The following PARD3B variants were observed in gnomAD, a reference collection of about 807,000 sequenced individuals.
The protein encoded by PARD3B is partitioning defective 3 homolog B.
PARD3B carries 103 observed loss-of-function variants against 130.2 expected under a neutral mutation model. That is an observed-to-expected ratio of 0.79 (90% CI 0.67 to 0.93). The LOEUF (loss-of-function observed/expected upper bound fraction) is 0.93, where lower values mean the gene tolerates loss of function less well. PARD3B is among the 40% of genes least tolerant of loss of function. The pLI is 0.00. For synonymous variants in PARD3B, 583 were observed against 553.2 expected, an observed-to-expected ratio of 1.05 and a Z score of -0.76; for missense variants, 1,609 against 1,499.2, an observed-to-expected ratio of 1.07 and a Z score of -1.21.
At chr2:205,557,183 G>T (rs1185593532) in intron 22 of PARD3B, among the ~76,000 whole-genome samples, 1 of 152,164 alleles carries the variant, frequency 6.6e-6, no homozygotes, top group African/African-American at 2.4e-5. Context: ...GGCGGCAAAA[G>T]GTTGCTGGAG....
intron 19 of PARD3B, among the ~76,000 whole-genome samples, chr2:205,409,785 C>T (rs2046533660): frequency 6.6e-6 from 1 of 152,086 alleles, no homozygotes; most frequent in South Asian, 2.1e-4. Flanking sequence ...TGATGTATTA[C>T]TTTATCGTAT....
chr2:205,090,592 G>A (rs577764974), intron 4 of PARD3B, among the ~76,000 whole-genome samples: 284 of 152,274 alleles, frequency 1.9e-3, no homozygotes, highest in Non-Finnish European at 3.4e-3. Flanking sequence ...GGGTAAGTTG[G>A]TTTACTCACT....
chr2:204,996,969 C>T (rs917250219), intron 3 of PARD3B, among the ~76,000 whole-genome samples: 5 of 152,120 alleles, frequency 3.3e-5, no homozygotes, highest in African/African-American at 7.2e-5. Flanking sequence ...CACTGGCCTG[C>T]GCCCACTGTC....
At chr2:204,662,459 T>A (rs77256211) in intron 1 of PARD3B, among the ~76,000 whole-genome samples, 8,481 of 152,206 alleles carry the variant, frequency 0.056, 391 homozygotes, top group East Asian at 0.14. Flanking sequence ...TCATCTGCCT[T>A]TCAGTCATTC....
chr2:205,170,798 C>CT (rs1280374123), intron 11 of PARD3B, among the ~76,000 whole-genome samples: 3 of 137,116 alleles, frequency 2.2e-5, no homozygotes, highest in African/African-American at 5.3e-5. Flanking sequence ...TTTTCTTTTA[C>CT]TTTTTTTTTC....
chr2:204,620,902 A>G (rs1464294045), intron 1 of PARD3B, among the ~76,000 whole-genome samples: 1 of 130,000 alleles, frequency 7.7e-6, no homozygotes, highest in South Asian at 2.5e-4. Flanking sequence ...CCCTTTCCCT[A>G]TGCTGAGAGA....
chr2:204,766,620 A>G (rs1213653019), intron 2 of PARD3B, among the ~76,000 whole-genome samples: 1 of 152,138 alleles, frequency 6.6e-6, no homozygotes, highest in African/African-American at 2.4e-5. Context: ...AATAGCTAGC[A>G]TATTGGTGAA....
intron 3 of PARD3B, among the ~76,000 whole-genome samples, chr2:205,043,070 A>C (rs1698504630): frequency 6.6e-6 from 1 of 152,140 alleles, no homozygotes; most frequent in African/African-American, 2.4e-5. Flanking sequence ...ATTAGCTGAA[A>C]AAAAACTAAT....
intron 16 of PARD3B, among the ~76,000 whole-genome samples, chr2:205,261,287 T>A (rs767096756): frequency 9.8e-4 from 149 of 152,200 alleles, no homozygotes; most frequent in Non-Finnish European, 1.5e-3. Flanking sequence ...TGTAAAAGAC[T>A]GAATTCAAAT....
rs79955420 is a variant in PARD3B at position 205,417,608 on chromosome 2, G to A, written c.2741+16485G>A. Among the ~76,000 whole-genome samples the A allele has an allele frequency of 1.6e-4, 25 of 152,316 alleles. No homozygotes were observed. The East Asian group carries it at 4.8e-3, about 29-fold the overall frequency. ...ACCTGAGAGATCACCAAAGGGTAGA[G>A]CAGACTTGTCATCTCCATACTCAAA... On this transcript the variant is annotated intron_variant, in intron 19 of 22. Transcript: ENST00000406610.
chr2:205,061,947 A>G (rs924779800), intron 4 of PARD3B, among the ~76,000 whole-genome samples: 6 of 152,158 alleles, frequency 3.9e-5, no homozygotes, highest in African/African-American at 1.4e-4. Context: ...GGAAACAGGA[A>G]AGGACGGATT....
intron 18 of PARD3B, among the ~76,000 whole-genome samples, chr2:205,379,840 C>T (rs849210): frequency 0.21 from 31,941 of 151,480 alleles, 3,877 homozygotes; most frequent in African/African-American, 0.33. Context: ...GAGGCCAAAG[C>T]GGGTGGATCA....
chr2:205,465,590 A>G (rs1222669779), intron 20 of PARD3B, among the ~76,000 whole-genome samples: 1 of 152,240 alleles, frequency 6.6e-6, no homozygotes, highest in Non-Finnish European at 1.5e-5. Context: ...CCCCAGGTCA[A>G]CGGCAGCTCT....
In PARD3B at chr2:205,352,573, T is replaced by G. The variant is rs1419339320; in HGVS notation, c.2631-48440T>G. 2.0e-5 allele frequency among the ~76,000 whole-genome samples: 3 copies of G among 152,210 alleles called. No individual in the cohort carries two copies. Among genetic ancestry groups the G allele is most frequent in the African/African-American group, 7.2e-5 (3 of 41,458 alleles). On this transcript the variant is annotated intron_variant, in intron 18 of 22. Transcript: ENST00000406610. The surrounding 1 kb of genome is among the most constrained non-coding windows in gnomAD (Gnocchi z 5.2). ...TACATCTATATCACCTTCAATTTAA[T>G]ATTTCACGAGAAATAGAAGGCACGA...
In PARD3B at chr2:205,021,502, T is replaced by C. The variant is rs990955288; in HGVS notation, c.395-26079T>C. Among the ~76,000 whole-genome samples the C allele has an allele frequency of 6.6e-6, 1 of 152,026 alleles. No homozygotes were observed. Among genetic ancestry groups the C allele is most frequent in the African/African-American group, 2.4e-5 (1 of 41,392 alleles). ...AAGTGGTAACTTTGGAAGGACTGGT[T>C]GCAAAGTGGAACCAGAGTATATTGC... On this transcript the variant is annotated intron_variant, in intron 3 of 22. Coordinates refer to ENST00000406610, the MANE Select transcript of PARD3B (RefSeq NM_001302769.2). The surrounding 1 kb of genome is among the most constrained non-coding windows in gnomAD (Gnocchi z 4.5).
intron 22 of PARD3B, among the ~76,000 whole-genome samples, chr2:205,596,224 G>T (rs993766367): frequency 1.3e-5 from 2 of 152,168 alleles, no homozygotes; most frequent in African/African-American, 2.4e-5. Context: ...CAGGATGGGG[G>T]AAATTCACCA....
In PARD3B at chr2:205,158,959, A is replaced by G. The variant is rs2034349302; in HGVS notation, c.1620+52A>G. 6.3e-7 allele frequency: 1 copy of G among 1,582,110 alleles called. No individual in the cohort carries two copies. The highest frequency in any genetic ancestry group is 2.2e-5 in the East Asian group (1 of 44,740). ...CTTTGAGAAGGCACTTGGAGATGTG[A>G]CTGTTGTACTTAGAGACTGAATGGA... is the stretch of plus-strand genomic sequence containing the variant. On this transcript the variant is annotated intron_variant, in intron 11 of 22. Transcript: ENST00000406610. The surrounding 1 kb of genome is among the most constrained non-coding windows in gnomAD (Gnocchi z 5.4).
intron 1 of PARD3B, among the ~76,000 whole-genome samples, chr2:204,607,212 C>A (rs1235460290): frequency 6.6e-6 from 1 of 151,924 alleles, no homozygotes; most frequent in African/African-American, 2.4e-5. Flanking sequence ...AGATGGTATC[C>A]CAAAGGAAAT....
At chr2:204,831,692 C>T (rs1489346883) in intron 2 of PARD3B, among the ~76,000 whole-genome samples, 1 of 136,796 alleles carries the variant, frequency 7.3e-6, no homozygotes, top group African/African-American at 3.5e-5. Context: ...TTAGACAAAA[C>T]CCTTCTCGTA....
Sources: allele counts gnomAD v4.1 joint callset (sites outside exome capture counted in the v4.1 genomes callset), GRCh38; gene constraint gnomAD v4.1.1; non-coding constraint Gnocchi (gnomAD v3.1); transcripts MANE v1.5; gene names NCBI Gene and HGNC (gene_info 2026-07-23, HGNC 2026-07-21).